Variants in ATPAF1 observed in about 807,000 individuals in gnomAD.
The protein encoded by ATPAF1 is ATP synthase mitochondrial F1 complex assembly factor 1.
In ATPAF1, 26 loss-of-function variants were observed where a neutral mutation model predicts 43.9. The observed-to-expected ratio is 0.59, with a 90% CI of 0.43 to 0.82. ATPAF1 has a LOEUF of 0.82. Ranked by LOEUF, ATPAF1 falls within the 40% of genes least tolerant of loss-of-function variation. ATPAF1 has a pLI of 0.00. For synonymous variants in ATPAF1, 157 were observed against 168.0 expected (o/e 0.93, Z 0.50); for missense variants, 366 against 435.0 (o/e 0.84, Z 1.41).
At chr1:46,655,083 A>T (rs1007041339) in intron 4 of ATPAF1, among the ~76,000 whole-genome samples, 2 of 152,088 alleles carry the variant, frequency 1.3e-5, no homozygotes, top group African/African-American at 4.8e-5. Flanking sequence ...CAAAAGGGGG[A>T]AAAGCCCCCT....
chr1:46,644,638 TAA>T (rs1676006273), intron 7 of ATPAF1, among the ~76,000 whole-genome samples: 1 of 152,212 alleles, frequency 6.6e-6, no homozygotes, highest in Non-Finnish European at 1.5e-5. Context: ...ACTTTTATTT[TAA>T]AAGTTTTAAA....
rs770001520 is a variant in ATPAF1, at chr1:46,668,315, G to T, written c.8C>A (p.Ala3Asp). 4.4e-6 allele frequency: 6 copies of T among 1,370,422 alleles called. No individual in the cohort carries two copies. Among genetic ancestry groups the T allele is most frequent in the Non-Finnish European group, 5.7e-6 (6 of 1,057,442 alleles). 84.9% of individuals were successfully genotyped at this position (1,370,422 alleles called of 1,614,324 possible). The change falls in exon 1 of 9, where the codon GCT becomes GAT. Residue 3 changes from alanine (A) to aspartate (D), a missense_variant. By Grantham distance (126) the Ala-to-Asp change is moderately radical. This residue lies in a region of ATPAF1 where 186 missense variants were observed against 168.5 expected (regional missense o/e 1.10). Coordinates refer to ENST00000574428, the Ensembl canonical transcript of ATPAF1. The surrounding 1 kb of genome is among the most constrained non-coding windows in gnomAD (Gnocchi z 4.4). The stretch of plus-strand genomic sequence containing the variant: ...GCCACCCGCAGCCGCCACCACCACA[G>T]CAGCCATGGCCGCCCCCGCCTCCTC...
intron 4 of ATPAF1, among the ~76,000 whole-genome samples, chr1:46,655,071 A>G (rs891285184): frequency 2.0e-5 from 3 of 152,124 alleles, no homozygotes; most frequent in Admixed American, 6.5e-5. Context: ...AAGAAGAATG[A>G]GCAAAAGGGG....
chr1:46,656,460 T>C (rs537785065), intron 4 of ATPAF1, among the ~76,000 whole-genome samples: 1 of 152,350 alleles, frequency 6.6e-6, no homozygotes, highest in East Asian at 1.9e-4. Context: ...CTATGGAAAC[T>C]ACTCTCAATG....
At chr1:46,645,202 T>C (rs913989602) in exon 7 of ATPAF1, 1 of 1,613,894 alleles carries the variant, frequency 6.2e-7, no homozygotes, top group African/African-American at 1.3e-5. Flanking sequence ...TCAGTACCTG[T>C]CCATTGTCCT....
chr1:46,654,529 T>TTAC (rs1231870587), intron 4 of ATPAF1, among the ~76,000 whole-genome samples: 2 of 15,812 alleles, frequency 1.3e-4, no homozygotes, highest in Non-Finnish European at 5.5e-4. Context: ...ATTTATTTAT[T>TTAC]TATTATTATT....
Position 46,653,718 on chromosome 1 carries a change from A to C in ATPAF1, c.540+99T>G. ...GGGCTGTAAAATGCAGCTTCTCAAG[A>C]GGCAATAAACATAGGAAAAGTAAAG... On this transcript the variant is annotated intron_variant, in intron 5 of 8. Transcript: ENST00000574428. The surrounding 1 kb of genome is among the most constrained non-coding windows in gnomAD (Gnocchi z 4.8). 1 of 1,109,650 alleles carries C rather than the reference A, an allele frequency of 9.0e-7. No individual in the cohort carries two copies. Among genetic ancestry groups the C allele is most frequent in the Non-Finnish European group, 1.3e-6 (1 of 765,388 alleles). 68.7% of individuals were successfully genotyped at this position (1,109,650 alleles called of 1,614,324 possible).
At chr1:46,638,159 T>A (rs17102352) in intron 8 of ATPAF1, among the ~76,000 whole-genome samples, 39,870 of 151,906 alleles carry the variant, frequency 0.26, 5,521 homozygotes, top group East Asian at 0.38. Context: ...AAGGTAGGAG[T>A]AAGTTCAGCT....
chr1:46,657,246 C>T (rs555873590), intron 4 of ATPAF1, among the ~76,000 whole-genome samples: 2 of 152,156 alleles, frequency 1.3e-5, no homozygotes, highest in Non-Finnish European at 2.9e-5. Context: ...TTTTGATCCT[C>T]TCAATCTACC....
intron 2 of ATPAF1, among the ~76,000 whole-genome samples, chr1:46,661,621 T>C: frequency 6.6e-6 from 1 of 152,204 alleles, no homozygotes; most frequent in African/African-American, 2.4e-5. Flanking sequence ...AGGTAGGTTA[T>C]ATTTTTACAT....
rs746451263 is a variant in ATPAF1, at chr1:46,658,694, T to G, written c.419A>C (p.Lys140Thr). 11 of 1,600,644 alleles carry G rather than the reference T, an allele frequency of 6.9e-6. No individual in the cohort carries two copies. The East Asian group carries it at 2.0e-4, about 29-fold the overall frequency. The change falls in exon 3 of 9, where the codon AAG becomes ACG. Residue 140 changes from lysine (K) to threonine (T), a missense_variant. Coordinates refer to ENST00000574428, the Ensembl canonical transcript of ATPAF1. ...ATTTAATTAGAAACCTACCTTGTCC[T>G]TAGTGAATCCTCTGTTCACAGACTG...
downstream of ATPAF1, chr1:46,632,867 A>G (rs1675775945): frequency 6.6e-6 from 1 of 152,616 alleles, no homozygotes; most frequent in Non-Finnish European, 1.5e-5. Context: ...CTAGTGGGGG[A>G]AAAAAGACAC....
intron 2 of ATPAF1, 121 bp from the exon 3 acceptor site, chr1:46,658,858 CT>C: frequency 1.8e-6 from 1 of 564,442 alleles, no homozygotes; most frequent in Non-Finnish European, 3.0e-6. Flanking sequence ...CTTCTCTCCA[CT>C]TTTTATAATA....
At position 46,639,553 on chromosome 1, in the gene ATPAF1, G is replaced by A. The variant is rs148052556; in HGVS notation, c.793-3583C>T. On this transcript the variant is annotated intron_variant, in intron 8 of 8. Coordinates refer to ENST00000574428, the Ensembl canonical transcript of ATPAF1. ...AGCTAGGTTTTTAAATATTCCATTA[G>A]TTTTTAGCATTAAAGTTAGTTCAGA... Among the ~76,000 whole-genome samples, 697 of 152,258 alleles carry A rather than the reference G, an allele frequency of 4.6e-3. 4 individuals are homozygous for A. Among genetic ancestry groups the A allele is most frequent in the South Asian group, 0.011 (54 of 4,824 alleles).
At chr1:46,657,869 C>T (rs1249970772) in intron 4 of ATPAF1, among the ~76,000 whole-genome samples, 1 of 152,030 alleles carries the variant, frequency 6.6e-6, no homozygotes, top group Non-Finnish European at 1.5e-5. Flanking sequence ...AATCCAGGTA[C>T]AGAGTACTGA....
exon 9 of ATPAF1, chr1:46,635,441 A>C: frequency 4.2e-6 from 1 of 236,900 alleles, no homozygotes; most frequent in Non-Finnish European, 8.3e-6. Context: ...TTTGGGAGCT[A>C]TAAGGTCAAA....
At position 46,645,147 on chromosome 1, in the gene ATPAF1, C is replaced by T; in HGVS notation, c.684+14G>A. 2.5e-6 allele frequency: 4 copies of T among 1,605,504 alleles called. No homozygotes were observed. The highest frequency in any genetic ancestry group is 1.1e-5 in the South Asian group (1 of 90,778). Reference sequence around the variant, plus strand: ...AGTCCTCTTTCCTCTAGAGGAAGGGCACAAGCCACCTACCTGAATATTTAT... The same window carrying T: ...AGTCCTCTTTCCTCTAGAGGAAGGGTACAAGCCACCTACCTGAATATTTAT... On this transcript the variant is annotated intron_variant, in intron 7 of 8. Transcript: ENST00000574428.
At chr1:46,663,265 C>T (rs1676428472) in intron 2 of ATPAF1, among the ~76,000 whole-genome samples, 1 of 152,148 alleles carries the variant, frequency 6.6e-6, no homozygotes, top group African/African-American at 2.4e-5. Flanking sequence ...GTCTTTATAG[C>T]AGCATGATTT....
At chr1:46,660,892 C>T (rs1039938004) in intron 2 of ATPAF1, among the ~76,000 whole-genome samples, 3 of 152,004 alleles carry the variant, frequency 2.0e-5, no homozygotes, top group Admixed American at 6.6e-5. Flanking sequence ...TCTAGCTAGA[C>T]ATTCTTGCAG....
Sources: gnomAD v4.1 joint callset for allele counts (sites outside exome capture counted in the v4.1 genomes callset) on GRCh38, gnomAD v4.1.1 for gene constraint, gnomAD v4.1.1 regional missense constraint, Gnocchi (gnomAD v3.1) non-coding constraint, MANE v1.5 for transcripts, NCBI Gene and HGNC (gene_info 2026-07-23, HGNC 2026-07-21) for gene names.